The following PCP4 variants were observed in gnomAD, a reference collection of about 807,000 sequenced individuals.
PCP4 encodes Purkinje cell protein 4.
PCP4 carries 8 observed loss-of-function variants against 10.0 expected under a neutral mutation model. The observed-to-expected ratio is 0.80, with a 90% CI of 0.47 to 1.45. The LOEUF (loss-of-function observed/expected upper bound fraction) is 1.45, where lower values mean the gene tolerates loss of function less well. Ranked by LOEUF, PCP4 falls within the 40% of genes most tolerant of loss-of-function variation. The probability of loss-of-function intolerance (pLI) is 0.00; values close to 1 mark genes in which losing one functional copy is unlikely to be tolerated. For synonymous variants in PCP4, 21 were observed against 23.0 expected (o/e 0.91, Z 0.24); for missense variants, 54 against 74.4 (o/e 0.73, Z 1.01).
intron 2 of PCP4, among the ~76,000 whole-genome samples, chr21:39,916,517 G>C (rs2087569033): frequency 6.6e-6 from 1 of 152,144 alleles, no homozygotes; most frequent in South Asian, 2.1e-4. Flanking sequence ...GTATGTCTTA[G>C]CTCAACCATT....
chr21:39,900,933 T>C (rs1279304370), intron 2 of PCP4, among the ~76,000 whole-genome samples: 1 of 152,134 alleles, frequency 6.6e-6, no homozygotes, highest in Non-Finnish European at 1.5e-5. Flanking sequence ...TATTAATTTA[T>C]TAAAAATAAA....
chr21:39,919,808 TGTGA>T (rs998025562), intron 2 of PCP4, among the ~76,000 whole-genome samples: 4 of 150,858 alleles, frequency 2.7e-5, no homozygotes, highest in Admixed American at 2.0e-4. Context: ...GTGGTGTATT[TGTGA>T]GTGTGTGGTA....
At chr21:39,913,488 T>C (rs2087551154) in intron 2 of PCP4, among the ~76,000 whole-genome samples, 1 of 152,270 alleles carries the variant, frequency 6.6e-6, no homozygotes, top group East Asian at 1.9e-4. Flanking sequence ...TGATGTGGGA[T>C]GCCCAGTCAT....
intron 1 of PCP4, among the ~76,000 whole-genome samples, chr21:39,897,694 A>G (rs2087463529): frequency 6.6e-6 from 1 of 152,166 alleles, no homozygotes; most frequent in Non-Finnish European, 1.5e-5. Context: ...TGGCAGAAAA[A>G]ATAGTTTATA....
intron 2 of PCP4, chr21:39,915,989 A>C (rs956676708): frequency 7.2e-5 from 11 of 152,362 alleles, no homozygotes; most frequent in African/African-American, 2.4e-4. Flanking sequence ...CAGAGGGGTT[A>C]TCTGAATTGT....
chr21:39,924,846 T>C (rs1601190384), intron 2 of PCP4, among the ~76,000 whole-genome samples: 2 of 152,314 alleles, frequency 1.3e-5, no homozygotes, highest in South Asian at 4.1e-4. Flanking sequence ...CGGGTTTTGT[T>C]TATTCCCTGG....
chr21:39,913,911 A>AGCCAGGGC lies in PCP4; in HGVS notation c.62-15071_62-15064dup, dbSNP rs546384931. On this transcript the variant is annotated intron_variant, in intron 2 of 2. Transcript: ENST00000328619. ...CAGGGATTAGAAGCTCAGGGTGAAG[A>AGCCAGGGC]GCCAGGGCGGGAAGTGCCCCATGAG... is the stretch of plus-strand genomic sequence containing the variant. Among the ~76,000 whole-genome samples, 193 of 152,330 alleles carry AGCCAGGGC rather than the reference A, an allele frequency of 1.3e-3. 5 individuals are homozygous for AGCCAGGGC. In the South Asian group the frequency reaches 0.039, roughly 30 times the overall value.
At chr21:39,873,343 C>T (rs1348596253) in intron 1 of PCP4, among the ~76,000 whole-genome samples, 1 of 151,884 alleles carries the variant, frequency 6.6e-6, no homozygotes, top group African/African-American at 2.4e-5. Flanking sequence ...AAAGCAAGTT[C>T]CATATTATTG....
intron 2 of PCP4, among the ~76,000 whole-genome samples, chr21:39,905,396 GA>G (rs985905992): frequency 3.3e-5 from 5 of 152,156 alleles, no homozygotes; most frequent in Non-Finnish European, 7.3e-5. Context: ...TCCAGATGGG[GA>G]AAAAATGACA....
intron 2 of PCP4, among the ~76,000 whole-genome samples, chr21:39,901,798 C>T (rs1473196651): frequency 6.6e-6 from 1 of 152,078 alleles, no homozygotes; most frequent in Non-Finnish European, 1.5e-5. Context: ...ACTTTAATTT[C>T]AGCTAAAACT....
At chr21:39,925,416 A>AGTTG in intron 2 of PCP4, among the ~76,000 whole-genome samples, 1 of 152,230 alleles carries the variant, frequency 6.6e-6, no homozygotes, top group Non-Finnish European at 1.5e-5. Flanking sequence ...CTTGCAATCA[A>AGTTG]CAGTTGTTAA....
chr21:39,889,341 G>A (rs1011026455), intron 1 of PCP4, among the ~76,000 whole-genome samples: 2 of 151,912 alleles, frequency 1.3e-5, no homozygotes, highest in Non-Finnish European at 2.9e-5. Context: ...AACCCTTAGG[G>A]GTCTTCAAAA....
chr21:39,898,094 C>T lies in PCP4; in HGVS notation c.10-382C>T, dbSNP rs180884852. Among the ~76,000 whole-genome samples the T allele has an allele frequency of 2.2e-3, 328 of 147,280 alleles. 1 individual carries two copies. Among genetic ancestry groups the T allele is most frequent in the African/African-American group, 7.3e-3 (290 of 39,888 alleles). The stretch of plus-strand genomic sequence containing the variant: ...AAGACATTGGACATGGTGACTGGAA[C>T]GAAAATACAGCAGCCTAATGACTGT... On this transcript the variant is annotated intron_variant, in intron 1 of 2. Coordinates refer to ENST00000328619, the MANE Select transcript of PCP4 (RefSeq NM_006198.3).
intron 2 of PCP4, among the ~76,000 whole-genome samples, chr21:39,920,480 T>C (rs574042811): frequency 8.6e-5 from 13 of 152,010 alleles, no homozygotes; most frequent in African/African-American, 2.9e-4. Context: ...GCGTGTTGTA[T>C]GTGTGTGTGT....
chr21:39,920,329 G>A lies in PCP4; in HGVS notation c.62-8655G>A, dbSNP rs536539021. Among the ~76,000 whole-genome samples, 242 of 146,030 alleles carry A rather than the reference G, an allele frequency of 1.7e-3. 1 individual carries two copies. Among genetic ancestry groups the A allele is most frequent in the African/African-American group, 5.8e-3 (234 of 40,278 alleles). On this transcript the variant is annotated intron_variant, in intron 2 of 2. Coordinates refer to ENST00000328619, the MANE Select transcript of PCP4 (RefSeq NM_006198.3). ...GTATTTGATGTGTGATGTGTGATGT[G>A]TGTGTGGTATGTGTGTGGTGTGTTT...
At chr21:39,871,445 G>T (rs1337329690) in intron 1 of PCP4, among the ~76,000 whole-genome samples, 1 of 152,210 alleles carries the variant, frequency 6.6e-6, no homozygotes, top group Non-Finnish European at 1.5e-5. Context: ...TGCATAAAAT[G>T]TGGGTTTTGC....
intron 2 of PCP4, among the ~76,000 whole-genome samples, chr21:39,914,531 A>C (rs914857437): frequency 4.7e-4 from 70 of 147,732 alleles, no homozygotes; most frequent in African/African-American, 1.6e-3. Flanking sequence ...CAGTGAGCCG[A>C]GATCATGCCA....
At chr21:39,891,794 A>G (rs11088498) in intron 1 of PCP4, among the ~76,000 whole-genome samples, 68,850 of 152,118 alleles carry the variant, frequency 0.45, 15,645 homozygotes, top group Middle Eastern at 0.49. Context: ...AGAAGGCAGC[A>G]TAGGTCAGCG....
chr21:39,925,743 G>T (rs535590652), intron 2 of PCP4, among the ~76,000 whole-genome samples: 1 of 152,222 alleles, frequency 6.6e-6, no homozygotes, highest in African/African-American at 2.4e-5. Context: ...CTGCTCGTGG[G>T]TCCCCGCCTC....
Sources: gnomAD v4.1 joint callset for allele counts (sites outside exome capture counted in the v4.1 genomes callset) on GRCh38, gnomAD v4.1.1 for gene constraint, MANE v1.5 for transcripts, NCBI Gene and HGNC (gene_info 2026-07-23, HGNC 2026-07-21) for gene names.